Variants in CPEB3 observed in about 807,000 individuals in gnomAD.
CPEB3 encodes cytoplasmic polyadenylation element binding protein 3.
Under a neutral mutation model 67.2 loss-of-function variants are expected in CPEB3, and 20 were observed. The ratio of observed to expected loss-of-function variants is 0.30; its 90% confidence interval spans 0.21 to 0.43. The LOEUF (loss-of-function observed/expected upper bound fraction) is 0.43. Among genes scored for constraint, CPEB3 ranks in the 20% least tolerant of loss-of-function variants. The pLI is 1.00. For synonymous variants in CPEB3, 376 were observed against 393.1 expected (o/e 0.96, Z 0.51); for missense variants, 746 against 968.6 (o/e 0.77, Z 3.05).
At chr10:92,177,618 T>A (rs1047523507) in intron 4 of CPEB3, among the ~76,000 whole-genome samples, 1 of 152,204 alleles carries the variant, frequency 6.6e-6, no homozygotes, top group Admixed American at 6.5e-5. Context: ...TAACTCTTAT[T>A]TGTCTTCCAT....
chr10:92,276,494 G>A (rs1207661012), intron 1 of CPEB3, among the ~76,000 whole-genome samples: 1 of 151,264 alleles, frequency 6.6e-6, no homozygotes, highest in African/African-American at 2.4e-5. Context: ...GGCCAGGCTG[G>A]TCTTGAACTC....
intron 4 of CPEB3, among the ~76,000 whole-genome samples, chr10:92,165,403 CTTT>C (rs34205234): frequency 8.2e-6 from 1 of 121,472 alleles, no homozygotes; most frequent in Non-Finnish European, 1.6e-5. Context: ...CTTTTTTCTT[CTTT>C]TTTTTTTTTT....
intron 8 of CPEB3, among the ~76,000 whole-genome samples, chr10:92,083,291 T>C (rs1843231417): frequency 6.6e-6 from 1 of 152,186 alleles, no homozygotes; most frequent in South Asian, 2.1e-4. Context: ...CAAAAAGTTA[T>C]CTCAATTATA....
intron 1 of CPEB3, among the ~76,000 whole-genome samples, chr10:92,243,796 G>C (rs1170024394): frequency 6.6e-6 from 1 of 152,136 alleles, no homozygotes; most frequent in Non-Finnish European, 1.5e-5. Context: ...TGTTAAATGT[G>C]ATATCAACCT....
chr10:92,288,727 G>T (rs1053139571), intron 1 of CPEB3, among the ~76,000 whole-genome samples: 2 of 152,114 alleles, frequency 1.3e-5, no homozygotes, highest in African/African-American at 2.4e-5. Context: ...TCAACAAAAG[G>T]TATCATATTT....
intron 2 of CPEB3, among the ~76,000 whole-genome samples, chr10:92,195,357 A>T (rs1348070889): frequency 6.6e-6 from 1 of 152,182 alleles, no homozygotes; most frequent in African/African-American, 2.4e-5. Context: ...ATACAATCTA[A>T]GAAGGTTTTT....
At chr10:92,171,621 C>CT (rs35545671) in intron 4 of CPEB3, among the ~76,000 whole-genome samples, 1 of 151,854 alleles carries the variant, frequency 6.6e-6, no homozygotes, top group Non-Finnish European at 1.5e-5. Context: ...GTATGTACTC[C>CT]TTTTTTTTCC....
At chr10:92,208,530 TC>T (rs1319261197) in intron 2 of CPEB3, among the ~76,000 whole-genome samples, 1 of 152,206 alleles carries the variant, frequency 6.6e-6, no homozygotes, top group African/African-American at 2.4e-5. Context: ...CTTGGGTCTT[TC>T]CAAATTTTAA....
intron 4 of CPEB3, among the ~76,000 whole-genome samples, chr10:92,174,826 C>T (rs931422796): frequency 1.3e-5 from 2 of 151,986 alleles, no homozygotes; most frequent in African/African-American, 4.8e-5. Context: ...TTAATTTAAA[C>T]AATATTGAAT....
intron 1 of CPEB3, among the ~76,000 whole-genome samples, chr10:92,244,633 T>C (rs567167680): frequency 1.3e-5 from 2 of 151,994 alleles, no homozygotes; most frequent in South Asian, 4.2e-4. Context: ...GAAAAGGGTT[T>C]TCACTGTGTT....
intron 1 of CPEB3, among the ~76,000 whole-genome samples, chr10:92,258,739 T>C (rs911321616): frequency 1.5e-5 from 2 of 130,732 alleles, no homozygotes; most frequent in African/African-American, 6.0e-5. Context: ...TATTTTTATA[T>C]AAATTTTTTC....
At chr10:92,067,811 TC>T (rs1285674882) in intron 9 of CPEB3, among the ~76,000 whole-genome samples, 2 of 152,150 alleles carry the variant, frequency 1.3e-5, no homozygotes, top group South Asian at 4.2e-4. Context: ...AGAGCAAAAC[TC>T]CATCTCGAAA....
chr10:92,072,817 T>TGA, intron 9 of CPEB3, among the ~76,000 whole-genome samples: 1 of 152,320 alleles, frequency 6.6e-6, no homozygotes, highest in East Asian at 1.9e-4. Context: ...GAGCCTCTGT[T>TGA]ACGCACGAGT....
chr10:92,246,179 C>G (rs750788016), intron 1 of CPEB3, among the ~76,000 whole-genome samples: 21 of 149,456 alleles, frequency 1.4e-4, no homozygotes, highest in Middle Eastern at 3.6e-3. Context: ...ACTAAAAATA[C>G]AAAAATTAGT....
At chr10:92,064,812 C>T (rs1163648802) in intron 9 of CPEB3, among the ~76,000 whole-genome samples, 2 of 152,128 alleles carry the variant, frequency 1.3e-5, no homozygotes, top group East Asian at 1.9e-4. Context: ...AGAGGCTGTC[C>T]CGTGGTCACT....
chr10:92,207,343 T>C (rs1458856028), intron 2 of CPEB3, among the ~76,000 whole-genome samples: 1 of 152,100 alleles, frequency 6.6e-6, no homozygotes, highest in South Asian at 2.1e-4. Flanking sequence ...GATAAGATAA[T>C]GGTAAGACAA....
At chr10:92,161,217 T>C (rs1464177506) in intron 4 of CPEB3, among the ~76,000 whole-genome samples, 5 of 152,134 alleles carry the variant, frequency 3.3e-5, no homozygotes, top group Admixed American at 2.6e-4. Context: ...AGGTAGCCAA[T>C]ATCAAGTAGT....
At chr10:92,153,703 C>T (rs1033473287) in intron 4 of CPEB3, among the ~76,000 whole-genome samples, 5 of 152,180 alleles carry the variant, frequency 3.3e-5, no homozygotes, top group African/African-American at 1.2e-4. Context: ...ATTGCTTGAA[C>T]TTGGGAGGCG....
chr10:92,248,747 A>G (rs1340231898), intron 1 of CPEB3, among the ~76,000 whole-genome samples: 1 of 152,186 alleles, frequency 6.6e-6, no homozygotes, highest in Non-Finnish European at 1.5e-5. Flanking sequence ...ATGAAGTAAC[A>G]GACACACACC....
Sources: allele counts gnomAD v4.1 joint callset (sites outside exome capture counted in the v4.1 genomes callset), GRCh38; gene constraint gnomAD v4.1.1; transcripts MANE v1.5; gene names NCBI Gene and HGNC (gene_info 2026-07-23, HGNC 2026-07-21).